Variants in GABRB1 observed in about 807,000 individuals in gnomAD.
GABRB1 encodes the protein gamma-aminobutyric acid receptor subunit beta-1.
Under a neutral mutation model 51.6 loss-of-function variants are expected in GABRB1, and 17 were observed. The ratio of observed to expected loss-of-function variants is 0.33; its 90% CI spans 0.23 to 0.49. GABRB1 has a LOEUF of 0.49. GABRB1 is among the 20% of genes least tolerant of loss of function. GABRB1 has a pLI of 0.99. For synonymous variants in GABRB1, 247 were observed against 218.9 expected, an observed-to-expected ratio of 1.13 and a Z score of -1.14; for missense variants, 410 against 600.6, an observed-to-expected ratio of 0.68 and a Z score of 3.32.
At chr4:47,180,440 A>C (rs962552472) in intron 4 of GABRB1, among the ~76,000 whole-genome samples, 1 of 152,124 alleles carries the variant, frequency 6.6e-6, no homozygotes, top group Non-Finnish European at 1.5e-5. Flanking sequence ...AGGCATTCAC[A>C]TCACAAGACA....
At chr4:47,037,088 G>C (rs1002771046) in intron 3 of GABRB1, among the ~76,000 whole-genome samples, 5 of 152,104 alleles carry the variant, frequency 3.3e-5, no homozygotes, top group Non-Finnish European at 7.4e-5. Context: ...CTTCTTTTCT[G>C]TATTAATACC....
intron 3 of GABRB1, among the ~76,000 whole-genome samples, chr4:47,038,080 A>G (rs1435440830): frequency 6.6e-6 from 1 of 152,174 alleles, no homozygotes; most frequent in African/African-American, 2.4e-5. Context: ...ATAAAAACTT[A>G]GATATTAAAG....
intron 3 of GABRB1, among the ~76,000 whole-genome samples, chr4:47,134,278 G>T (rs940401398): frequency 6.6e-6 from 1 of 152,062 alleles, no homozygotes; most frequent in Non-Finnish European, 1.5e-5. Flanking sequence ...AATTAGTGCT[G>T]TTTATCCCAT....
At chr4:47,330,790 C>T (rs2109974836) in intron 5 of GABRB1, among the ~76,000 whole-genome samples, 1 of 151,962 alleles carries the variant, frequency 6.6e-6, no homozygotes, top group East Asian at 1.9e-4. Flanking sequence ...TAAAGTGATC[C>T]TGATTTATAA....
intron 1 of GABRB1, among the ~76,000 whole-genome samples, chr4:47,019,549 T>TTCTCTCTCTCTCTCTC (rs142639522): frequency 1.7e-4 from 22 of 128,820 alleles, no homozygotes; most frequent in African/African-American, 6.4e-4. Context: ...CAGGTTTAGT[T>TTCTCTCTCTCTCTCTC]TCTCTCTCTC....
chr4:47,139,593 C>T (rs1560553711), intron 3 of GABRB1, among the ~76,000 whole-genome samples: 1 of 152,022 alleles, frequency 6.6e-6, no homozygotes, highest in Non-Finnish European at 1.5e-5. Context: ...AGAATCACGA[C>T]TAGGTCTAGA....
chr4:47,002,396 T>A (rs1482714664), intron 1 of GABRB1, among the ~76,000 whole-genome samples: 1 of 152,230 alleles, frequency 6.6e-6, no homozygotes, highest in African/African-American at 2.4e-5. Flanking sequence ...TTAATCATTT[T>A]TTTTACTGGT....
chr4:47,007,142 T>TA (rs60210572), intron 1 of GABRB1, among the ~76,000 whole-genome samples: 98,408 of 145,314 alleles, frequency 0.68, 33,015 homozygotes, highest in South Asian at 0.79. Flanking sequence ...CCTGTTTGGA[T>TA]AAAAAAAAAA....
intron 4 of GABRB1, among the ~76,000 whole-genome samples, chr4:47,226,112 A>G (rs1720936970): frequency 6.6e-6 from 1 of 152,180 alleles, no homozygotes; most frequent in African/African-American, 2.4e-5. Context: ...TACAGTGAGT[A>G]GCAAAGCCAG....
At chr4:47,407,660 T>C (rs1477716280) in intron 8 of GABRB1, among the ~76,000 whole-genome samples, 1 of 152,254 alleles carries the variant, frequency 6.6e-6, no homozygotes, top group African/African-American at 2.4e-5. Flanking sequence ...GGGTGACAAC[T>C]GTTCATTTAG....
intron 5 of GABRB1, among the ~76,000 whole-genome samples, chr4:47,343,193 G>A (rs1197463809): frequency 3.9e-5 from 6 of 151,952 alleles, no homozygotes; most frequent in Admixed American, 3.3e-4. Flanking sequence ...ACAGACCCGA[G>A]ACAGGGTTAG....
intron 8 of GABRB1, among the ~76,000 whole-genome samples, chr4:47,421,649 C>T (rs1403946341): frequency 6.6e-6 from 1 of 152,064 alleles, no homozygotes; most frequent in Non-Finnish European, 1.5e-5. Context: ...TAGCTTTCAA[C>T]TCTCAATTTT....
intron 3 of GABRB1, among the ~76,000 whole-genome samples, chr4:47,051,986 G>A (rs544380408): frequency 1.2e-4 from 19 of 152,122 alleles, no homozygotes; most frequent in East Asian, 1.9e-4. Context: ...AAAGTCAGCC[G>A]GGTGTGGTGT....
intron 3 of GABRB1, among the ~76,000 whole-genome samples, chr4:47,055,288 G>A (rs1423385878): frequency 1.3e-5 from 2 of 152,134 alleles, no homozygotes; most frequent in East Asian, 3.8e-4. Context: ...AAATGTTCAG[G>A]GAAGAAAGGT....
At chr4:47,395,250 A>G (rs1437374233) in intron 5 of GABRB1, among the ~76,000 whole-genome samples, 1 of 152,200 alleles carries the variant, frequency 6.6e-6, no homozygotes, top group African/African-American at 2.4e-5. Flanking sequence ...CAGGCTATAC[A>G]AAGGCTTGGA....
intron 5 of GABRB1, among the ~76,000 whole-genome samples, chr4:47,393,773 C>T (rs1270359108): frequency 1.3e-5 from 2 of 152,204 alleles, no homozygotes; most frequent in Non-Finnish European, 2.9e-5. Flanking sequence ...AAGTTTAACT[C>T]CCTTGGGTCA....
At chr4:47,303,050 T>C (rs533642919) in intron 4 of GABRB1, among the ~76,000 whole-genome samples, 1 of 152,056 alleles carries the variant, frequency 6.6e-6, no homozygotes, top group East Asian at 1.9e-4. Flanking sequence ...GGGTTTGTTT[T>C]GTTGTTTTTA....
In GABRB1 at chr4:47,117,844, C is replaced by T. The variant is rs114564078; in HGVS notation, c.241-43405C>T. On this transcript the variant is annotated intron_variant, in intron 3 of 8. Coordinates refer to ENST00000295454, the MANE Select transcript of GABRB1 (RefSeq NM_000812.4). Reference sequence around the variant, plus strand: ...AGGAAAAATGTACATAGGATTGTTGCGATAATTAAAGACATTTTAAATAAA... The same window carrying T: ...AGGAAAAATGTACATAGGATTGTTGTGATAATTAAAGACATTTTAAATAAA... Among the ~76,000 whole-genome samples, 1,226 of 152,108 alleles carry T rather than the reference C, an allele frequency of 8.1e-3. 13 individuals carry two copies. Among genetic ancestry groups the T allele is most frequent in the African/African-American group, 0.028 (1,148 of 41,502 alleles).
chr4:47,020,190 C>T (rs1724889928), intron 1 of GABRB1, among the ~76,000 whole-genome samples: 1 of 152,028 alleles, frequency 6.6e-6, no homozygotes, highest in African/African-American at 2.4e-5. Flanking sequence ...ATGGTGTCTC[C>T]TCTTTTTATA....
Sources: allele counts gnomAD v4.1 joint callset (sites outside exome capture counted in the v4.1 genomes callset), GRCh38; gene constraint gnomAD v4.1.1; transcripts MANE v1.5; gene names NCBI Gene and HGNC (gene_info 2026-07-23, HGNC 2026-07-21).